The following ELOVL7 variants were observed in gnomAD, a reference collection of about 807,000 sequenced individuals.
ELOVL7 encodes the protein very long chain fatty acid elongase 7.
Under a neutral mutation model 35.7 loss-of-function variants are expected in ELOVL7, and 27 were observed. That is an observed-to-expected ratio of 0.76 (90% CI 0.56 to 1.04). The LOEUF is 1.04. Among genes scored for constraint, ELOVL7 ranks in the 50% least tolerant of loss-of-function variants. The probability of loss-of-function intolerance (pLI) is 0.00; values close to 1 mark genes in which losing one functional copy is unlikely to be tolerated. For synonymous variants in ELOVL7, 113 were observed against 114.6 expected (o/e 0.99, Z 0.09); for missense variants, 327 against 340.8 (o/e 0.96, Z 0.32).
chr5:60,835,600 T>C (rs1335910480), intron 1 of ELOVL7, among the ~76,000 whole-genome samples: 1 of 151,838 alleles, frequency 6.6e-6, no homozygotes, highest in East Asian at 1.9e-4. Context: ...TTTGTAGAGA[T>C]GGATGTCTCA....
At chr5:60,786,341 T>C (rs142767685) in intron 3 of ELOVL7, among the ~76,000 whole-genome samples, 2 of 152,354 alleles carry the variant, frequency 1.3e-5, no homozygotes, top group East Asian at 3.9e-4. Context: ...ACATATTTGT[T>C]GTGATTTAAA....
intron 1 of ELOVL7, among the ~76,000 whole-genome samples, chr5:60,808,803 G>A (rs1418554327): frequency 1.3e-5 from 2 of 152,168 alleles, no homozygotes; most frequent in African/African-American, 4.8e-5. Context: ...AAAAGAAAAA[G>A]GCTGCTGATA....
intron 1 of ELOVL7, among the ~76,000 whole-genome samples, chr5:60,840,490 A>C (rs142636663): frequency 9.0e-4 from 137 of 152,312 alleles, no homozygotes; most frequent in African/African-American, 3.2e-3. Flanking sequence ...AGGGTTCAAC[A>C]CTGCTGACAC....
intron 1 of ELOVL7, among the ~76,000 whole-genome samples, chr5:60,816,380 C>CAA (rs5868256): frequency 7.1e-6 from 1 of 140,428 alleles, no homozygotes. Context: ...GACTCCATCT[C>CAA]AAAAAAAAAA....
intron 1 of ELOVL7, among the ~76,000 whole-genome samples, chr5:60,808,809 T>C (rs1745091567): frequency 1.3e-5 from 2 of 152,210 alleles, no homozygotes; most frequent in South Asian, 4.1e-4. Context: ...AAAAGGCTGC[T>C]GATACAACAT....
chr5:60,768,475 T>C (rs1478902832), intron 4 of ELOVL7, among the ~76,000 whole-genome samples: 2 of 152,226 alleles, frequency 1.3e-5, no homozygotes, highest in Non-Finnish European at 2.9e-5. Flanking sequence ...AGTTTTACTG[T>C]GGATTCACAA....
chr5:60,821,686 C>T (rs1745898716), intron 1 of ELOVL7, among the ~76,000 whole-genome samples: 1 of 152,358 alleles, frequency 6.6e-6, no homozygotes. Flanking sequence ...AGGACAGTGG[C>T]CTGTGACTGG....
chr5:60,765,212 C>T (rs1001762584), intron 6 of ELOVL7, among the ~76,000 whole-genome samples: 12 of 152,250 alleles, frequency 7.9e-5, no homozygotes, highest in South Asian at 2.1e-4. Flanking sequence ...CGTTTGCTTA[C>T]GCACATGGAA....
chr5:60,838,063 A>G (rs1056687341), intron 1 of ELOVL7, among the ~76,000 whole-genome samples: 4 of 152,188 alleles, frequency 2.6e-5, no homozygotes, highest in Non-Finnish European at 5.9e-5. Flanking sequence ...CGCCAGAGAG[A>G]TTCAAATCTT....
chr5:60,779,930 A>G (rs1014864136), intron 3 of ELOVL7, among the ~76,000 whole-genome samples: 1 of 152,058 alleles, frequency 6.6e-6, no homozygotes, highest in Non-Finnish European at 1.5e-5. Context: ...AGTTTCACAG[A>G]TCTCTAGGGC....
At chr5:60,764,959 G>A (rs1293554858) in intron 6 of ELOVL7, among the ~76,000 whole-genome samples, 1 of 152,140 alleles carries the variant, frequency 6.6e-6, no homozygotes, top group Non-Finnish European at 1.5e-5. Context: ...CAACAAAATG[G>A]TAGAATTTGG....
intron 7 of ELOVL7, among the ~76,000 whole-genome samples, chr5:60,763,194 T>C (rs1183514511): frequency 6.6e-6 from 1 of 152,218 alleles, no homozygotes; most frequent in East Asian, 1.9e-4. Flanking sequence ...CTTTACATCC[T>C]GGAAAATCCG....
intron 1 of ELOVL7, among the ~76,000 whole-genome samples, chr5:60,803,787 T>A (rs1382290748): frequency 6.6e-6 from 1 of 152,216 alleles, no homozygotes; most frequent in Non-Finnish European, 1.5e-5. Flanking sequence ...ATTTTCTATA[T>A]GAATTAACTC....
intron 3 of ELOVL7, 106 bp downstream of exon 3, chr5:60,787,228 G>A: frequency 1.1e-6 from 1 of 922,582 alleles, no homozygotes; most frequent in Non-Finnish European, 1.7e-6. Context: ...ATAAGGGACT[G>A]TTAAGTTGCA....
intron 1 of ELOVL7, among the ~76,000 whole-genome samples, chr5:60,817,469 G>A (rs929149848): frequency 6.0e-5 from 9 of 151,260 alleles, no homozygotes; most frequent in African/African-American, 2.2e-4. Context: ...GGAGAAACAG[G>A]CACTCTCAGA....
chr5:60,823,424 T>C (rs1432671683), intron 1 of ELOVL7, among the ~76,000 whole-genome samples: 4 of 152,148 alleles, frequency 2.6e-5, no homozygotes, highest in Non-Finnish European at 4.4e-5. Flanking sequence ...GGATAGACCA[T>C]AAGCACCAGG....
At chr5:60,775,180 C>G (rs1473047000) in intron 3 of ELOVL7, among the ~76,000 whole-genome samples, 7 of 152,146 alleles carry the variant, frequency 4.6e-5, no homozygotes. Context: ...TGGAACAGCT[C>G]TTCAACCCTC....
At chr5:60,769,574 C>T (rs1742448882) in intron 4 of ELOVL7, among the ~76,000 whole-genome samples, 1 of 152,196 alleles carries the variant, frequency 6.6e-6, no homozygotes, top group African/African-American at 2.4e-5. Context: ...GAGGTGTTTG[C>T]TTTGTAAACC....
At chr5:60,810,331 T>G (rs1745172004) in intron 1 of ELOVL7, among the ~76,000 whole-genome samples, 1 of 152,208 alleles carries the variant, frequency 6.6e-6, no homozygotes, top group Non-Finnish European at 1.5e-5. Context: ...GGTGAGGACA[T>G]GGACACTGGA....
Sources: allele counts gnomAD v4.1 joint callset (sites outside exome capture counted in the v4.1 genomes callset), GRCh38; gene constraint gnomAD v4.1.1; transcripts MANE v1.5; gene names NCBI Gene and HGNC (gene_info 2026-07-23, HGNC 2026-07-21).